The following ASTN1 variants were observed in gnomAD, a reference collection of about 807,000 sequenced individuals.
ASTN1 encodes astrotactin-1.
In ASTN1, 41 loss-of-function variants were observed where a neutral mutation model predicts 140.7. That is an observed-to-expected ratio of 0.29 (90% CI 0.23 to 0.38). The LOEUF is 0.38. Ranked by LOEUF, ASTN1 falls within the 10% of genes least tolerant of loss-of-function variation. ASTN1 has a pLI of 1.00. For synonymous variants in ASTN1, 640 were observed against 652.2 expected (o/e 0.98, Z 0.29); for missense variants, 1,479 against 1,678.8 (o/e 0.88, Z 2.08).
chr1:177,099,802 A>C (rs1040782352), intron 1 of ASTN1, among the ~76,000 whole-genome samples: 1 of 152,208 alleles, frequency 6.6e-6, no homozygotes, highest in Admixed American at 6.5e-5. Flanking sequence ...AAGGCCCATG[A>C]AAAAGCTCAA....
chr1:176,931,447 C>A (rs1163270095), intron 16 of ASTN1, among the ~76,000 whole-genome samples: 1 of 152,040 alleles, frequency 6.6e-6, no homozygotes, highest in African/African-American at 2.4e-5. Context: ...GCCTGGGTAA[C>A]AAGAGCAAAA....
intron 16 of ASTN1, among the ~76,000 whole-genome samples, chr1:176,933,779 A>G (rs1297115581): frequency 1.3e-5 from 2 of 151,960 alleles, no homozygotes; most frequent in Non-Finnish European, 2.9e-5. Flanking sequence ...GTTGGGTGTG[A>G]CTCCTGGAGA....
At chr1:177,155,801 A>C (rs1053160092) in intron 1 of ASTN1, among the ~76,000 whole-genome samples, 12 of 152,358 alleles carry the variant, frequency 7.9e-5, no homozygotes, top group African/African-American at 2.6e-4. Context: ...TGATTAGCTT[A>C]ATATAGACAC....
intron 1 of ASTN1, among the ~76,000 whole-genome samples, chr1:177,113,723 C>T (rs1003643087): frequency 1.3e-5 from 2 of 152,192 alleles, no homozygotes; most frequent in East Asian, 3.9e-4. Context: ...GCTGCAGTCT[C>T]CCAAGTCTCG....
intron 8 of ASTN1, among the ~76,000 whole-genome samples, chr1:176,982,094 G>A (rs1356355546): frequency 1.3e-5 from 2 of 152,178 alleles, no homozygotes; most frequent in Non-Finnish European, 2.9e-5. Context: ...ACAACTAAAT[G>A]TGCCCAAAGC....
chr1:176,921,721 A>T (rs1670731113), intron 16 of ASTN1, among the ~76,000 whole-genome samples: 1 of 152,106 alleles, frequency 6.6e-6, no homozygotes, highest in African/African-American at 2.4e-5. Context: ...ATTCCCAGAC[A>T]TCACATTATC....
chr1:177,159,465 A>C (rs1452244431), intron 1 of ASTN1, among the ~76,000 whole-genome samples: 1 of 152,230 alleles, frequency 6.6e-6, no homozygotes, highest in Non-Finnish European at 1.5e-5. Context: ...GGGAAGATGG[A>C]GAGATGTGTG....
At chr1:177,084,025 C>A (rs1257135428) in intron 1 of ASTN1, among the ~76,000 whole-genome samples, 1 of 152,182 alleles carries the variant, frequency 6.6e-6, no homozygotes, top group East Asian at 1.9e-4. Flanking sequence ...CTGGCATTGT[C>A]TTCTGTGGAG....
intron 11 of ASTN1, among the ~76,000 whole-genome samples, chr1:176,954,785 G>A (rs1312161061): frequency 6.6e-6 from 1 of 152,186 alleles, no homozygotes; most frequent in Non-Finnish European, 1.5e-5. Flanking sequence ...GTGGCTACTG[G>A]AGGGCCGTCT....
intron 2 of ASTN1, among the ~76,000 whole-genome samples, chr1:177,045,892 A>G (rs1159600012): frequency 4.6e-5 from 5 of 108,694 alleles, no homozygotes; most frequent in African/African-American, 1.7e-4. Flanking sequence ...TTATATCTAC[A>G]GACATGTAGC....
At chr1:177,104,746 A>G (rs1007616614) in intron 1 of ASTN1, among the ~76,000 whole-genome samples, 1 of 152,216 alleles carries the variant, frequency 6.6e-6, no homozygotes, top group African/African-American at 2.4e-5. Flanking sequence ...AGTCCAAAAA[A>G]GGGACTTGTC....
chr1:177,048,990 C>T (rs536593863), intron 2 of ASTN1, among the ~76,000 whole-genome samples: 48 of 152,358 alleles, frequency 3.2e-4, no homozygotes, highest in Non-Finnish European at 5.9e-4. Context: ...TTCAACTCAA[C>T]CTGTATACAA....
intron 11 of ASTN1, among the ~76,000 whole-genome samples, chr1:176,950,099 A>G (rs949063599): frequency 2.6e-5 from 4 of 152,244 alleles, no homozygotes; most frequent in Non-Finnish European, 4.4e-5. Context: ...TATAGCAAAG[A>G]GAATATCTAA....
chr1:176,924,832 T>C (rs1464890649), intron 16 of ASTN1, among the ~76,000 whole-genome samples: 3 of 152,156 alleles, frequency 2.0e-5, no homozygotes. Flanking sequence ...CACTAGAATT[T>C]TCCCATCAAC....
chr1:176,861,860 A>G lies in ASTN1; in HGVS notation c.*2424T>C. 2.0e-6 allele frequency: 2 copies of G among 985,324 alleles called. No homozygotes were observed. The highest frequency in any genetic ancestry group is 2.4e-6 in the Non-Finnish European group (2 of 829,864). 61.0% of individuals were successfully genotyped at this position (985,324 alleles called of 1,614,324 possible). ...TGGGAGACTGAGGGAAAGATAGGAG[A>G]GAGGAAGATAGTGTGCCTAAAATAA... is the stretch of plus-strand genomic sequence containing the variant. On this transcript the variant is annotated 3_prime_UTR_variant, in exon 23 of 23. Transcript: ENST00000361833.
chr1:176,964,456 A>T (rs2101848731), intron 9 of ASTN1, among the ~76,000 whole-genome samples: 1 of 152,316 alleles, frequency 6.6e-6, no homozygotes, highest in African/African-American at 2.4e-5. Flanking sequence ...GGATGGTAAG[A>T]TCTTATTTTG....
At chr1:176,961,499 C>A (rs913527871) in intron 9 of ASTN1, among the ~76,000 whole-genome samples, 3 of 152,128 alleles carry the variant, frequency 2.0e-5, no homozygotes, top group African/African-American at 7.2e-5. Context: ...TTACAACAGT[C>A]CTCTGAAGCT....
intron 7 of ASTN1, among the ~76,000 whole-genome samples, chr1:177,020,190 T>C (rs1675754571): frequency 6.6e-6 from 1 of 152,204 alleles, no homozygotes; most frequent in Non-Finnish European, 1.5e-5. Context: ...GCCTGGCCTA[T>C]CTTTTCTCTC....
At chr1:177,065,967 C>T (rs1015493870) in intron 1 of ASTN1, among the ~76,000 whole-genome samples, 10 of 152,142 alleles carry the variant, frequency 6.6e-5, no homozygotes, top group African/African-American at 2.4e-4. Context: ...TACGAGTAAC[C>T]TTGAATGAGT....
Sources: allele counts gnomAD v4.1 joint callset (sites outside exome capture counted in the v4.1 genomes callset), GRCh38; gene constraint gnomAD v4.1.1; transcripts MANE v1.5; gene names NCBI Gene and HGNC (gene_info 2026-07-23, HGNC 2026-07-21).